PRKN: variants seen among roughly 807,000 people sequenced by gnomAD.
PRKN encodes E3 ubiquitin-protein ligase parkin.
A neutral mutation model predicts 59.5 loss-of-function variants in PRKN; 56 were observed. That is an observed-to-expected ratio of 0.94 (90% CI 0.76 to 1.18). PRKN has a LOEUF of 1.18. PRKN is among the 50% of genes most tolerant of loss of function. The probability of loss-of-function intolerance (pLI) is 0.00; values close to 1 mark genes in which losing one functional copy is unlikely to be tolerated. For missense variants in PRKN, 657 were observed against 596.4 expected (o/e 1.10, Z -1.06); for synonymous variants, 250 against 222.1 (o/e 1.13, Z -1.12).
intron 4 of PRKN, among the ~76,000 whole-genome samples, chr6:162,065,903 T>A (rs138838030): frequency 7.9e-4 from 121 of 152,328 alleles, no homozygotes; most frequent in African/African-American, 2.8e-3. Flanking sequence ...CATGAACACA[T>A]CCTTTTTTAT....
intron 1 of PRKN, among the ~76,000 whole-genome samples, chr6:162,675,631 T>TA (rs949289593): frequency 1.5e-4 from 23 of 152,212 alleles, no homozygotes; most frequent in African/African-American, 4.1e-4. Context: ...CACTAAAAGA[T>TA]AGAGAGAAAC....
chr6:162,294,303 C>T (rs1322185806), intron 2 of PRKN, among the ~76,000 whole-genome samples: 2 of 152,022 alleles, frequency 1.3e-5, no homozygotes, highest in Non-Finnish European at 2.9e-5. Context: ...CCTCAAACTT[C>T]TTCAGAGCTT....
chr6:161,960,658 G>T (rs72571755), intron 6 of PRKN, among the ~76,000 whole-genome samples: 2 of 152,186 alleles, frequency 1.3e-5, no homozygotes, highest in Admixed American at 1.3e-4. Context: ...GTGGAGTGAC[G>T]ATTAGTTACT....
At chr6:162,257,096 G>A (rs1356571771) in intron 3 of PRKN, among the ~76,000 whole-genome samples, 4 of 152,240 alleles carry the variant, frequency 2.6e-5, no homozygotes, top group Middle Eastern at 3.4e-3. Context: ...ATTCCTCTCC[G>A]CAGCTTTTTG....
intron 5 of PRKN, among the ~76,000 whole-genome samples, chr6:161,994,341 A>G (rs1781761196): frequency 6.6e-6 from 1 of 152,114 alleles, no homozygotes; most frequent in Admixed American, 6.5e-5. Context: ...ATGATAAAAC[A>G]TCAACAAACT....
intron 5 of PRKN, among the ~76,000 whole-genome samples, chr6:162,010,311 ATTTT>A (rs1782453698): frequency 8.2e-6 from 1 of 122,498 alleles, no homozygotes; most frequent in Non-Finnish European, 1.6e-5. Context: ...TATTATATAT[ATTTT>A]ATATATTTAT....
chr6:162,061,943 C>A (rs1184811223), intron 4 of PRKN, among the ~76,000 whole-genome samples: 4 of 152,168 alleles, frequency 2.6e-5, no homozygotes, highest in Non-Finnish European at 2.9e-5. Context: ...TGGAAGACAA[C>A]TGGAATATAC....
At position 161,675,644 on chromosome 6, in the gene PRKN, T is replaced by TG. The variant is rs571446850; in HGVS notation, c.872-106229_872-106228insC. The stretch of plus-strand genomic sequence containing the variant: ...TGTTATATGCTCTCTTGCTGCTTAC[T>TG]ATGCCGTTTTGTCTTTTTCTCCTCA... On this transcript the variant is annotated intron_variant, in intron 7 of 11. Coordinates refer to ENST00000366898, the MANE Select transcript of PRKN (RefSeq NM_004562.3). 4.0e-3 allele frequency among the ~76,000 whole-genome samples: 603 copies of TG among 152,330 alleles called. 2 individuals carry two copies. The highest frequency in any genetic ancestry group is 7.7e-3 in the Admixed American group (118 of 15,298).
At chr6:162,178,133 G>A (rs1365536635) in intron 4 of PRKN, among the ~76,000 whole-genome samples, 1 of 152,192 alleles carries the variant, frequency 6.6e-6, no homozygotes, top group Non-Finnish European at 1.5e-5. Flanking sequence ...AAGCCACTAG[G>A]TAGGACTTTT....
chr6:162,631,250 T>C (rs191656079), intron 1 of PRKN, among the ~76,000 whole-genome samples: 9 of 152,302 alleles, frequency 5.9e-5, no homozygotes, highest in Admixed American at 4.6e-4. Flanking sequence ...ACAGTCCATG[T>C]GCACTCAAAT....
chr6:161,694,120 T>C (rs1202973088), intron 7 of PRKN, among the ~76,000 whole-genome samples: 2 of 152,182 alleles, frequency 1.3e-5, no homozygotes, highest in African/African-American at 2.4e-5. Context: ...GAAAGCCCCT[T>C]TGCATTTAAC....
intron 1 of PRKN, among the ~76,000 whole-genome samples, chr6:162,668,549 G>A (rs1779192596): frequency 6.6e-6 from 1 of 151,972 alleles, no homozygotes; most frequent in South Asian, 2.1e-4. Context: ...TGCTGGGCCA[G>A]CAGTTGAAGG....
intron 2 of PRKN, among the ~76,000 whole-genome samples, chr6:162,418,584 G>A (rs564794680): frequency 1.7e-4 from 26 of 151,050 alleles, no homozygotes; most frequent in African/African-American, 5.8e-4. Context: ...TAGGCTCCAC[G>A]AAAAAGTGAT....
At chr6:162,109,281 A>G (rs1780321946) in intron 4 of PRKN, among the ~76,000 whole-genome samples, 1 of 152,240 alleles carries the variant, frequency 6.6e-6, no homozygotes, top group African/African-American at 2.4e-5. Context: ...TACATCAGTA[A>G]GACAAAGAAA....
intron 1 of PRKN, among the ~76,000 whole-genome samples, chr6:162,715,006 T>G (rs919075114): frequency 2.0e-5 from 3 of 152,174 alleles, no homozygotes; most frequent in African/African-American, 7.2e-5. Flanking sequence ...TGCTAGGTAT[T>G]TGCATGGAAA....
intron 4 of PRKN, among the ~76,000 whole-genome samples, chr6:162,102,619 T>C (rs1232862127): frequency 6.6e-6 from 1 of 152,002 alleles, no homozygotes; most frequent in Admixed American, 6.6e-5. Flanking sequence ...AGGTATTTTA[T>C]CTAAAAGATC....
At chr6:162,716,768 GCACGCACACACACA>G (rs1778740900) in intron 1 of PRKN, among the ~76,000 whole-genome samples, 2 of 139,958 alleles carry the variant, frequency 1.4e-5, no homozygotes, top group Admixed American at 7.4e-5. Flanking sequence ...GCGCGCGCGC[GCACGCACACACACA>G]CGCGCACACA....
chr6:162,443,566 C>T (rs770600427), intron 1 of PRKN, 93 bp from the exon 2 acceptor site: 57 of 1,152,708 alleles, frequency 4.9e-5, no homozygotes, highest in Non-Finnish European at 6.3e-5. Context: ...ATTTACCCCT[C>T]GCAGCCCTTC....
chr6:161,869,751 T>C (rs1794269491), intron 6 of PRKN, among the ~76,000 whole-genome samples: 1 of 152,150 alleles, frequency 6.6e-6, no homozygotes, highest in African/African-American at 2.4e-5. Flanking sequence ...CTCCCTTTTG[T>C]TTTCCTGCCA....
Sources: gnomAD v4.1 joint callset for allele counts (sites outside exome capture counted in the v4.1 genomes callset) on GRCh38, gnomAD v4.1.1 for gene constraint, MANE v1.5 for transcripts, NCBI Gene and HGNC (gene_info 2026-07-23, HGNC 2026-07-21) for gene names.